CLIC5: variants seen among roughly 807,000 people sequenced by gnomAD.
CLIC5 encodes chloride intracellular channel protein 5.
CLIC5 carries 20 observed loss-of-function variants against 24.7 expected under a neutral mutation model. The ratio of observed to expected loss-of-function variants is 0.81; its 90% CI spans 0.57 to 1.18. CLIC5 has a LOEUF of 1.18. Among genes scored for constraint, CLIC5 ranks in the 50% most tolerant of loss-of-function variants. The pLI, the probability that CLIC5 is intolerant of heterozygous loss-of-function variation, is 0.00. For synonymous variants in CLIC5, 159 were observed against 135.6 expected, an observed-to-expected ratio of 1.17 and a Z score of -1.20; for missense variants, 341 against 326.1, an observed-to-expected ratio of 1.05 and a Z score of -0.35.
chr6:46,108,197 A>C, the CLIC5 span, among the ~76,000 whole-genome samples: 2,886 of 152,196 alleles, frequency 0.019, 93 homozygotes, highest in African/African-American at 0.065. Context: ...TATTAAAATT[A>C]TTGTTAGCAT....
At chr6:45,896,602 A>G (rs1480351267), downstream of CLIC5, among the ~76,000 whole-genome samples, 1 of 152,254 alleles carries the variant, frequency 6.6e-6, no homozygotes, top group East Asian at 1.9e-4. Context: ...CATAAAAACA[A>G]AAGAAATAAA....
upstream of CLIC5, among the ~76,000 whole-genome samples, chr6:46,020,489 A>T (rs1363336361): frequency 1.3e-5 from 2 of 152,122 alleles, no homozygotes; most frequent in Admixed American, 6.5e-5. Context: ...TCTGAAATTT[A>T]TAATCTAGGC....
intron 4 of CLIC5, among the ~76,000 whole-genome samples, chr6:45,940,880 A>G (rs1479404749): frequency 6.6e-6 from 1 of 152,236 alleles, no homozygotes; most frequent in Non-Finnish European, 1.5e-5. Flanking sequence ...GGGCAATGCC[A>G]AATGAAGGAC....
At chr6:46,069,521 A>G (rs1438707650) in intron 1 of CLIC5, among the ~76,000 whole-genome samples, 1 of 152,120 alleles carries the variant, frequency 6.6e-6, no homozygotes, top group Non-Finnish European at 1.5e-5. Context: ...GAAGAAACTG[A>G]ATCCCTGAAC....
At chr6:46,040,487 G>A (rs2127460156) in intron 1 of CLIC5, among the ~76,000 whole-genome samples, 1 of 152,172 alleles carries the variant, frequency 6.6e-6, no homozygotes, top group East Asian at 1.9e-4. Flanking sequence ...GGCATTGTTG[G>A]TAGTGGGCTT....
chr6:46,076,043 C>G (rs1340604255), intron 1 of CLIC5, among the ~76,000 whole-genome samples: 2 of 152,204 alleles, frequency 1.3e-5, no homozygotes, highest in Non-Finnish European at 2.9e-5. Context: ...AACTGTTTTT[C>G]CCTGTTACTG....
the CLIC5 span, among the ~76,000 whole-genome samples, chr6:46,086,070 G>C: frequency 3.3e-5 from 5 of 152,202 alleles, no homozygotes; most frequent in African/African-American, 1.2e-4. Flanking sequence ...ATAACCTCCT[G>C]GTGCGCCGTT....
chr6:45,897,219 T>C (rs1762405859), downstream of CLIC5, among the ~76,000 whole-genome samples: 1 of 152,140 alleles, frequency 6.6e-6, no homozygotes, highest in Non-Finnish European at 1.5e-5. Context: ...AGCAGTGACC[T>C]AAGGAGTCAC....
At position 45,927,610 on chromosome 6, in the gene CLIC5, G is replaced by A. The variant is rs80195513; in HGVS notation, c.407-13201C>T. On this transcript the variant is annotated intron_variant, in intron 4 of 5. Transcript: ENST00000339561. ...AACTTAAGACGCTTATGCTCCTGGA[G>A]ATGGCCCTGCAGGAATCTACATTGA... is the stretch of plus-strand genomic sequence containing the variant. Among the ~76,000 whole-genome samples the A allele has an allele frequency of 1.8e-4, 28 of 152,288 alleles. No homozygotes were observed. The East Asian group carries it at 4.8e-3, about 26-fold the overall frequency.
intron 1 of CLIC5, among the ~76,000 whole-genome samples, chr6:46,005,345 G>A (rs1266498210): frequency 6.6e-6 from 1 of 152,134 alleles, no homozygotes; most frequent in African/African-American, 2.4e-5. Flanking sequence ...GTCCATAGAG[G>A]TTGATATAGG....
At chr6:45,976,049 C>A (rs2127408890) in intron 1 of CLIC5, among the ~76,000 whole-genome samples, 1 of 152,254 alleles carries the variant, frequency 6.6e-6, no homozygotes, top group Admixed American at 6.5e-5. Context: ...ATCTCTGGGC[C>A]TCTGACACCT....
Position 45,999,994 on chromosome 6 carries a change from C to T in CLIC5, c.63+15486G>A, listed in dbSNP as rs541172181. ...CTCGATCTCCTGACCTCATGATCCA[C>T]CCGCCTCGGCCTCCCAAAGTGCTGG... On this transcript the variant is annotated intron_variant, in intron 1 of 5. Coordinates refer to ENST00000339561, the MANE Select transcript of CLIC5 (RefSeq NM_016929.5). Among the ~76,000 whole-genome samples the T allele has an allele frequency of 1.9e-4, 5 of 26,358 alleles. 1 individual carries two copies. The highest frequency in any genetic ancestry group is 7.5e-3 in the East Asian group (2 of 266). 17.3% of individuals were successfully genotyped at this position (26,358 alleles called of 152,430 possible).
chr6:45,989,240 T>C (rs960529823), intron 1 of CLIC5, among the ~76,000 whole-genome samples: 5 of 152,184 alleles, frequency 3.3e-5, no homozygotes, highest in African/African-American at 1.2e-4. Flanking sequence ...GAACATTGTC[T>C]CCTTTCCTGA....
intron 1 of CLIC5, among the ~76,000 whole-genome samples, chr6:46,052,686 T>C (rs936218442): frequency 3.3e-5 from 5 of 152,156 alleles, no homozygotes; most frequent in Non-Finnish European, 7.3e-5. Flanking sequence ...AGAACAACTT[T>C]GCCAGACAGC....
chr6:46,036,661 T>C (rs1767671336), intron 1 of CLIC5, among the ~76,000 whole-genome samples: 1 of 152,216 alleles, frequency 6.6e-6, no homozygotes, highest in Admixed American at 6.5e-5. Flanking sequence ...TTTGTATTTA[T>C]TCACAGTGTA....
At chr6:45,958,472 A>T (rs1480363152) in intron 1 of CLIC5, among the ~76,000 whole-genome samples, 1 of 139,452 alleles carries the variant, frequency 7.2e-6, no homozygotes, top group South Asian at 2.4e-4. Flanking sequence ...ATATATATAT[A>T]TATAAACAGC....
intron 1 of CLIC5, among the ~76,000 whole-genome samples, chr6:46,000,608 G>A (rs968055012): frequency 2.6e-5 from 4 of 152,136 alleles, no homozygotes; most frequent in East Asian, 1.9e-4. Context: ...TCACGGTTCC[G>A]CAGGGCTGGG....
chr6:45,918,876 A>G lies in CLIC5; in HGVS notation c.407-4467T>C, dbSNP rs76801812. On this transcript the variant is annotated intron_variant, in intron 4 of 5. Transcript: ENST00000339561. Reference sequence around the variant, plus strand: ...ATTTAAACACACAATGAGGCTATTGAGATGGAAAATATTATTCATCGTCAT... The same window carrying G: ...ATTTAAACACACAATGAGGCTATTGGGATGGAAAATATTATTCATCGTCAT... 6.5e-4 allele frequency: 561 copies of G among 858,662 alleles called. 4 individuals carry two copies. The African/African-American group carries it at 9.6e-3, about 15-fold the overall frequency. 53.2% of individuals were successfully genotyped at this position (858,662 alleles called of 1,614,324 possible).
downstream of CLIC5, among the ~76,000 whole-genome samples, chr6:45,893,965 A>G (rs1368983924): frequency 1.3e-5 from 2 of 152,256 alleles, no homozygotes; most frequent in African/African-American, 4.8e-5. Context: ...AACTGCCACA[A>G]GAACCAGTTC....
Sources: allele counts gnomAD v4.1 joint callset (sites outside exome capture counted in the v4.1 genomes callset), GRCh38; gene constraint gnomAD v4.1.1; transcripts MANE v1.5; gene names NCBI Gene and HGNC (gene_info 2026-07-23, HGNC 2026-07-21).